The following ACVR1C variants were observed in gnomAD, a reference collection of about 807,000 sequenced individuals.
The protein encoded by ACVR1C is activin A receptor type 1C, also known as activin receptor type-1C.
In ACVR1C, 23 loss-of-function variants were observed where a neutral mutation model predicts 57.9. The observed-to-expected ratio is 0.40, with a 90% CI of 0.29 to 0.56. The LOEUF is 0.56. Ranked by LOEUF, ACVR1C falls within the 20% of genes least tolerant of loss-of-function variation. ACVR1C has a pLI of 0.50. For synonymous variants in ACVR1C, 214 were observed against 215.3 expected, an observed-to-expected ratio of 0.99 and a Z score of 0.05; for missense variants, 480 against 607.9, an observed-to-expected ratio of 0.79 and a Z score of 2.21.
chr2:157,542,647 C>T, intron 6 of ACVR1C, 59 bp downstream of exon 6: 1 of 1,553,422 alleles, frequency 6.4e-7, no homozygotes, highest in Non-Finnish European at 8.7e-7. Flanking sequence ...CACATGAGGA[C>T]ATTCATGCTT....
At chr2:157,539,977 T>C (rs1433543330) in intron 7 of ACVR1C, among the ~76,000 whole-genome samples, 1 of 152,228 alleles carries the variant, frequency 6.6e-6, no homozygotes, top group East Asian at 1.9e-4. Context: ...ATGAGATTAA[T>C]GTAATGCAAA....
intron 2 of ACVR1C, among the ~76,000 whole-genome samples, chr2:157,562,066 G>A (rs753687344): frequency 2.5e-4 from 38 of 152,108 alleles, no homozygotes; most frequent in Admixed American, 6.5e-4. Flanking sequence ...GGAGGCCGAG[G>A]TGGGCGGATC....
At chr2:157,557,460 G>C (rs193017592) in intron 2 of ACVR1C, among the ~76,000 whole-genome samples, 1 of 152,116 alleles carries the variant, frequency 6.6e-6, no homozygotes, top group East Asian at 1.9e-4. Flanking sequence ...CAAGACCCTT[G>C]TCCTGCTTGA....
chr2:157,542,763 T>G lies in ACVR1C; in HGVS notation c.1043A>C (p.His348Pro), dbSNP rs1558969740. 1 of 1,614,082 alleles carries G rather than the reference T, an allele frequency of 6.2e-7. No individual in the cohort carries two copies. Among genetic ancestry groups the G allele is most frequent in the Non-Finnish European group, 8.5e-7 (1 of 1,180,020 alleles). ...AIADLGLAVK[H>P]DSILNTIDIP... ...GTCGATAGTGTTCAGTATTGAATCA[T>G]GCTTCACAGCCAACCCTAAGTCCGC... The change falls in exon 6 of 9, where the codon CAT becomes CCT. Residue 348 changes from histidine (H) to proline (P), a missense_variant. Physicochemically the swap from His to Pro is moderately conservative, Grantham distance 77 (BLOSUM62 -2). Coordinates refer to ENST00000243349, the MANE Select transcript of ACVR1C (RefSeq NM_145259.3).
chr2:157,538,758 T>A, intron 7 of ACVR1C, 55 bp from the exon 8 acceptor site: 1 of 1,378,564 alleles, frequency 7.3e-7, no homozygotes, highest in African/African-American at 1.5e-5. Flanking sequence ...CAAACATGTC[T>A]ATTTTAAATA....
At chr2:157,546,115 T>C (rs1687749693) in intron 4 of ACVR1C, among the ~76,000 whole-genome samples, 1 of 152,134 alleles carries the variant, frequency 6.6e-6, no homozygotes, top group Non-Finnish European at 1.5e-5. Flanking sequence ...ATAAACATCA[T>C]GATTAAACTA....
chr2:157,587,374 G>A lies in ACVR1C; in HGVS notation c.117C>T (p.Thr39=), dbSNP rs1688951620. The A allele has an allele frequency of 6.2e-7, 1 of 1,613,496 alleles. No individual in the cohort carries two copies. Among genetic ancestry groups the A allele is most frequent in the East Asian group, 2.2e-5 (1 of 44,864 alleles). ...CCCAACATGCTCCTTCTGTTTGGCA[G>A]GTGAAGTTTGAAGAATCACACAAAA... ...VCLLCDSSNF[T]CQTEGACWAS... Residue 39 remains threonine (T), a synonymous_variant, in exon 2 of 9, where the codon ACC becomes ACT. Coordinates refer to ENST00000243349, the MANE Select transcript of ACVR1C (RefSeq NM_145259.3).
At chr2:157,563,924 T>A (rs1051488912) in intron 2 of ACVR1C, among the ~76,000 whole-genome samples, 1 of 152,280 alleles carries the variant, frequency 6.6e-6, no homozygotes, top group Admixed American at 6.5e-5. Context: ...TGCAGAAAAC[T>A]AAAACTGGAT....
In ACVR1C at chr2:157,554,265, A is replaced by G. The variant is rs1273925184; in HGVS notation, c.544+1828T>C. 3.1e-3 allele frequency among the ~76,000 whole-genome samples: 423 copies of G among 138,688 alleles called. 14 individuals carry two copies. Among genetic ancestry groups the G allele is most frequent in the African/African-American group, 0.012 (403 of 32,884 alleles). The allele number at this position is 138,688 out of a possible 152,430, so 91.0% of individuals were successfully genotyped here. A position where few individuals can be genotyped will look rare whatever the true frequency, so the allele number is the denominator to read the frequency against. On this transcript the variant is annotated intron_variant, in intron 3 of 8. Transcript: ENST00000243349. ...AAAGAAAGAAAGAAAGAAAGAAAGA[A>G]AGAAAGGAAGGAAGGAAGAGAGAGA...
At chr2:157,555,209 C>G (rs1176546861) in intron 3 of ACVR1C, among the ~76,000 whole-genome samples, 3 of 147,438 alleles carry the variant, frequency 2.0e-5, no homozygotes, top group Non-Finnish European at 4.5e-5. Context: ...AGCTCCGCTT[C>G]CCGGGTTCAC....
Position 157,550,337 on chromosome 2 carries a change from T to G in ACVR1C, c.600A>C (p.Ile200=), listed in dbSNP as rs77124201. 4,457 of 1,614,148 alleles carry G rather than the reference T, an allele frequency of 2.8e-3. 134 individuals carry two copies. The African/African-American group carries it at 0.053, about 19-fold the overall frequency. The change falls in exon 4 of 9, where the codon ATA becomes ATC. Residue 200 remains isoleucine, a synonymous_variant. Coordinates refer to ENST00000243349, the MANE Select transcript of ACVR1C (RefSeq NM_145259.3). ...CCTCACCAAATCTACCTTTTCCTACTATTTCCTGAAGCACAATCGTCCTTG... is the reference window on the plus strand; with the variant it reads ...CCTCACCAAATCTACCTTTTCCTACGATTTCCTGAAGCACAATCGTCCTTG... ...TIARTIVLQE[I]VGKGRFGEVW...
intron 1 of ACVR1C, among the ~76,000 whole-genome samples, chr2:157,616,823 T>C (rs1238820784): frequency 6.6e-6 from 1 of 151,112 alleles, no homozygotes; most frequent in Non-Finnish European, 1.5e-5. Flanking sequence ...CAGTTAAAAA[T>C]AATAATTAGG....
At position 157,538,999 on chromosome 2, in the gene ACVR1C, C is replaced by T. The variant is rs557934488; in HGVS notation, c.1226-296G>A. 3.4e-3 allele frequency among the ~76,000 whole-genome samples: 498 copies of T among 148,054 alleles called. 2 individuals carry two copies. The highest frequency in any genetic ancestry group is 0.011 in the African/African-American group (462 of 40,792). The stretch of plus-strand genomic sequence containing the variant: ...AATTTTATAATTATATAATATATAA[C>T]ATTTCTATAATTGTATAAAATAAAT... On this transcript the variant is annotated intron_variant, in intron 7 of 8. Transcript: ENST00000243349.
At chr2:157,554,429 G>T (rs1558975398) in intron 3 of ACVR1C, among the ~76,000 whole-genome samples, 1 of 151,658 alleles carries the variant, frequency 6.6e-6, no homozygotes, top group Admixed American at 6.6e-5. Context: ...GACAAAGGAA[G>T]GAAGGAAGGA....
intron 8 of ACVR1C, among the ~76,000 whole-genome samples, chr2:157,537,843 C>G (rs868815025): frequency 2.0e-5 from 3 of 152,184 alleles, no homozygotes; most frequent in African/African-American, 7.2e-5. Context: ...TAAGGCATAA[C>G]AAGCATTGCA....
intron 1 of ACVR1C, among the ~76,000 whole-genome samples, chr2:157,602,509 C>G (rs1682302003): frequency 6.6e-6 from 1 of 152,146 alleles, no homozygotes; most frequent in Non-Finnish European, 1.5e-5. Flanking sequence ...AAACGTTTAT[C>G]TCAAGTCCTA....
chr2:157,597,464 C>T, intron 1 of ACVR1C: 1 of 985,470 alleles, frequency 1.0e-6, no homozygotes, highest in Non-Finnish European at 1.2e-6. Flanking sequence ...CTGCGGTCGC[C>T]GGGATGCCCC....
intron 2 of ACVR1C, among the ~76,000 whole-genome samples, chr2:157,563,493 C>A (rs571578655): frequency 6.6e-6 from 1 of 152,334 alleles, no homozygotes; most frequent in South Asian, 2.1e-4. Flanking sequence ...AAAAACATTT[C>A]ATGCTCATGG....
intron 2 of ACVR1C, among the ~76,000 whole-genome samples, chr2:157,575,443 A>AT (rs895512043): frequency 4.6e-5 from 7 of 152,048 alleles, no homozygotes; most frequent in Non-Finnish European, 7.4e-5. Context: ...TAATTCCTTT[A>AT]TTTTTTGTAG....
Sources: allele counts gnomAD v4.1 joint callset (sites outside exome capture counted in the v4.1 genomes callset), GRCh38; gene constraint gnomAD v4.1.1; transcripts MANE v1.5; gene names NCBI Gene and HGNC (gene_info 2026-07-23, HGNC 2026-07-21).